The following TEX22 variants were observed in gnomAD, a reference collection of about 807,000 sequenced individuals.
The protein encoded by TEX22 is testis-expressed protein 22.
A neutral mutation model predicts 11.3 loss-of-function variants in TEX22; 16 were observed. The observed-to-expected ratio is 1.42, with a 90% CI of 0.96 to 2.15. The LOEUF is 2.15. TEX22 is among the 30% of genes most tolerant of loss of function. TEX22 has a pLI of 0.00. For missense variants in TEX22, 220 were observed against 208.6 expected (o/e 1.05, Z -0.34); for synonymous variants, 97 against 92.3 (o/e 1.05, Z -0.29).
intron 2 of TEX22, among the ~76,000 whole-genome samples, chr14:105,402,628 C>A (rs587703816): frequency 6.6e-6 from 1 of 151,554 alleles, no homozygotes; most frequent in African/African-American, 2.4e-5. Flanking sequence ...TGGTGGCGGG[C>A]GCCTGTAGTC....
At chr14:105,411,118 C>T (rs1158360202) in intron 2 of TEX22, among the ~76,000 whole-genome samples, 1 of 152,238 alleles carries the variant, frequency 6.6e-6, no homozygotes, top group Non-Finnish European at 1.5e-5. Context: ...ACAGGCAGCC[C>T]TGCTGTACAT....
At chr14:105,404,723 A>G (rs1370270842) in intron 2 of TEX22, among the ~76,000 whole-genome samples, 3 of 152,162 alleles carry the variant, frequency 2.0e-5, no homozygotes, top group Non-Finnish European at 4.4e-5. Context: ...GGATTATACA[A>G]AGGGCTAAGT....
In TEX22 at chr14:105,412,285, G is replaced by C. The variant is rs1374084950; in HGVS notation, c.*452G>C. The C allele has an allele frequency of 6.4e-6, 1 of 155,860 alleles. No homozygotes were observed. The highest frequency in any genetic ancestry group is 1.4e-5 in the Non-Finnish European group (1 of 70,516). The allele number at this position is 155,860 out of a possible 1,614,324, so 9.7% of individuals were successfully genotyped here. On this transcript the variant is annotated 3_prime_UTR_variant, in exon 4 of 4. Coordinates refer to ENST00000451127, the MANE Select transcript of TEX22 (RefSeq NM_001195082.2). This position sits in a 1 kb window ranked among gnomAD's most constrained non-coding sequence, Gnocchi z 5.8. ...ATGGGCCAGGCAGAGTTCTCCAGGG[G>C]GCGGGGTCTCACATTGGGTCCTGCC... is the stretch of plus-strand genomic sequence containing the variant.
chr14:105,403,858 A>T (rs781795339), intron 2 of TEX22, among the ~76,000 whole-genome samples: 51 of 152,278 alleles, frequency 3.3e-4, no homozygotes, highest in Admixed American at 5.9e-4. Context: ...TTTACTTTTT[A>T]AAAAAAATTA....
chr14:105,413,847 T>G lies in TEX22; in HGVS notation c.*2014T>G, dbSNP rs2081709160. On this transcript the variant is annotated 3_prime_UTR_variant, in exon 4 of 4. Coordinates refer to ENST00000451127, the MANE Select transcript of TEX22 (RefSeq NM_001195082.2). This position sits in a 1 kb window ranked among gnomAD's most constrained non-coding sequence, Gnocchi z 4.2. ...AGTTTTCTGTAGCTGCCATAAAAAT[T>G]GCCACAAATTCAGTAGGTTTGGTTT... 1 of 152,344 alleles carries G rather than the reference T, an allele frequency of 6.6e-6. No homozygotes were observed. The highest frequency in any genetic ancestry group is 6.5e-5 in the Admixed American group (1 of 15,302). 9.4% of individuals were successfully genotyped at this position (152,344 alleles called of 1,614,324 possible). A position where few individuals can be genotyped will look rare whatever the true frequency, so the allele number is the denominator to read the frequency against.
intron 2 of TEX22, among the ~76,000 whole-genome samples, chr14:105,401,121 CTT>C (rs2081624144): frequency 6.6e-6 from 1 of 152,258 alleles, no homozygotes; most frequent in Non-Finnish European, 1.5e-5. Context: ...GTCCTGCACA[CTT>C]CCGCCTGCCA....
chr14:105,406,676 C>CT (rs1383693617), intron 2 of TEX22, among the ~76,000 whole-genome samples: 1 of 145,696 alleles, frequency 6.9e-6, no homozygotes, highest in East Asian at 2.0e-4. Context: ...CTTGCAGTTC[C>CT]TAAAAAAAAA....
chr14:105,404,422 T>C (rs1313109744), intron 2 of TEX22, among the ~76,000 whole-genome samples: 6 of 152,198 alleles, frequency 3.9e-5, no homozygotes, highest in African/African-American at 1.4e-4. Context: ...TCCTATTTAG[T>C]GTGAGAGGGG....
Position 105,402,550 on chromosome 14 carries a change from C to T in TEX22, c.150+3060C>T, listed in dbSNP as rs587639497. 6.1e-4 allele frequency among the ~76,000 whole-genome samples: 93 copies of T among 151,768 alleles called. 1 individual carries two copies. Among genetic ancestry groups the T allele is most frequent in the Admixed American group, 1.3e-3 (20 of 15,268 alleles). ...CGGGCAGATCACAAGGTCTGGAGAT[C>T]AAGACCATCCTGGCTAACACGGTGA... is the stretch of plus-strand genomic sequence containing the variant. On this transcript the variant is annotated intron_variant, in intron 2 of 3. Coordinates refer to ENST00000451127, the MANE Select transcript of TEX22 (RefSeq NM_001195082.2).
chr14:105,399,397 A>G lies in TEX22; in HGVS notation c.57A>G (p.Gln19=). 1.3e-6 allele frequency: 2 copies of G among 1,535,814 alleles called. No homozygotes were observed. Among genetic ancestry groups the G allele is most frequent in the Non-Finnish European group, 1.7e-6 (2 of 1,146,806 alleles). ...RGKKLESHLS[Q]EHRRPPLGLI... ...AGAAGCTGGAGTCGCACCTCTCCCA[A>G]GAGCACAGGCGGCCCCCACTGGGCC... The change falls in exon 2 of 4, where the codon CAA becomes CAG. Residue 19 remains glutamine (Q), a synonymous_variant. Coordinates refer to ENST00000451127, the MANE Select transcript of TEX22 (RefSeq NM_001195082.2).
intron 2 of TEX22, 24 bp from the exon 3 acceptor site, chr14:105,411,344 C>T: frequency 7.8e-7 from 1 of 1,284,640 alleles, no homozygotes; most frequent in South Asian, 2.3e-5. Flanking sequence ...GAGGCCCTCG[C>T]CGACCCGCTG....
intron 2 of TEX22, 118 bp downstream of exon 2, chr14:105,399,608 G>A: frequency 8.6e-7 from 1 of 1,161,586 alleles, no homozygotes; most frequent in Non-Finnish European, 1.2e-6. Context: ...GGCTGAGTGG[G>A]GACTGATGAG....
At position 105,399,289 on chromosome 14, in the gene TEX22, C is replaced by T. The variant is rs981091501; in HGVS notation, c.-39-13C>T. 22 of 1,414,326 alleles carry T rather than the reference C, an allele frequency of 1.6e-5. No individual in the cohort carries two copies. In the Admixed American group the frequency reaches 3.1e-4, roughly 20 times the overall value. The allele number at this position is 1,414,326 out of a possible 1,614,324, so 87.6% of individuals were successfully genotyped here. A position where few individuals can be genotyped will look rare whatever the true frequency, so the allele number is the denominator to read the frequency against. ...GTGGGCCCCGCCCCACCTCCCCCTG[C>T]TCCTACCCCCAGATCTCAGAGGTGT... is the stretch of plus-strand genomic sequence containing the variant. On this transcript the variant is annotated splice_polypyrimidine_tract_variant and intron_variant, in intron 1 of 3. Coordinates refer to ENST00000451127, the MANE Select transcript of TEX22 (RefSeq NM_001195082.2).
At chr14:105,407,870 T>C (rs1393359096) in intron 2 of TEX22, among the ~76,000 whole-genome samples, 1 of 142,944 alleles carries the variant, frequency 7.0e-6, no homozygotes, top group Non-Finnish European at 1.5e-5. Flanking sequence ...ATCTGTGTTA[T>C]GGGGGTCTGT....
chr14:105,402,516 A>G (rs1396081522), intron 2 of TEX22, among the ~76,000 whole-genome samples: 13 of 152,010 alleles, frequency 8.6e-5, no homozygotes, highest in East Asian at 1.9e-4. Flanking sequence ...GCACTTTGGG[A>G]GGCTGGGGCG....
At chr14:105,402,595 A>G in intron 2 of TEX22, among the ~76,000 whole-genome samples, 1 of 151,734 alleles carries the variant, frequency 6.6e-6, no homozygotes, top group East Asian at 1.9e-4. Context: ...TCTACTAAAA[A>G]ATACAAAAAA....
intron 2 of TEX22, among the ~76,000 whole-genome samples, chr14:105,401,106 G>A (rs1447017752): frequency 6.6e-6 from 1 of 152,244 alleles, no homozygotes; most frequent in African/African-American, 2.4e-5. Context: ...TAGCCGTAAG[G>A]ATGGGTCCTG....
intron 2 of TEX22, among the ~76,000 whole-genome samples, chr14:105,406,600 C>T (rs1418991268): frequency 2.0e-5 from 3 of 149,802 alleles, no homozygotes; most frequent in Non-Finnish European, 4.4e-5. Flanking sequence ...CCCAGCTGCT[C>T]GGGAGGCAGA....
intron 2 of TEX22, among the ~76,000 whole-genome samples, chr14:105,405,518 G>A (rs1555418812): frequency 6.6e-6 from 1 of 152,238 alleles, no homozygotes; most frequent in East Asian, 1.9e-4. Context: ...AACGTGTGCA[G>A]CGGTAAGCAC....
Sources: allele counts gnomAD v4.1 joint callset (sites outside exome capture counted in the v4.1 genomes callset), GRCh38; gene constraint gnomAD v4.1.1; non-coding constraint Gnocchi (gnomAD v3.1); transcripts MANE v1.5; gene names NCBI Gene and HGNC (gene_info 2026-07-23, HGNC 2026-07-21).